Variants in NLRC5 observed in about 807,000 individuals in gnomAD.
NLRC5 encodes the protein protein NLRC5.
A neutral mutation model predicts 206.9 loss-of-function variants in NLRC5; 114 were observed. The observed-to-expected ratio is 0.55, with a 90% confidence interval of 0.47 to 0.64. The LOEUF is 0.64. NLRC5 is among the 30% of genes least tolerant of loss of function. The pLI is 0.00. For missense variants in NLRC5, 2,008 were observed against 2,305.5 expected (o/e 0.87, Z 2.64); for synonymous variants, 952 against 962.8 (o/e 0.99, Z 0.21).
rs146945239 is a variant in NLRC5, at chr16:57,037,246, C to G, written c.2763C>G (p.Ala921=). 1 of 1,613,752 alleles carries G rather than the reference C, an allele frequency of 6.2e-7. No homozygotes were observed. Among genetic ancestry groups the G allele is most frequent in the Non-Finnish European group, 8.5e-7 (1 of 1,179,994 alleles). ...SVAGVHCVLR[A]VSACWTLAEL... is the part of the protein sequence containing the mutation. The stretch of plus-strand genomic sequence containing the variant: ...CCGGGGTGCATTGTGTGCTGAGGGC[C>G]GTGAGTGCGTGCTGGACCCTGGCAG... Residue 921 remains alanine, a synonymous_variant, in exon 15 of 49, where the codon GCC becomes GCG. Transcript: ENST00000688547.
At chr16:57,067,682 C>T (rs2144821574) in intron 35 of NLRC5, 54 bp from the exon 36 acceptor site, 1 of 1,549,468 alleles carries the variant, frequency 6.5e-7, no homozygotes, top group East Asian at 2.2e-5. Flanking sequence ...GATGTGATGA[C>T]CTCTGAGGTG....
chr16:57,072,709 A>AAAAATACACAGCGGCTAT (rs142245442), intron 38 of NLRC5, among the ~76,000 whole-genome samples: 1 of 151,652 alleles, frequency 6.6e-6, no homozygotes, highest in African/African-American at 2.4e-5. Context: ...TCTGATGACC[A>AAAAATACACAGCGGCTAT]AAAAAGTTCC....
At chr16:57,037,414 G>T (rs1415319337) in intron 15 of NLRC5, 130 bp downstream of exon 15, 3 of 792,004 alleles carry the variant, frequency 3.8e-6, no homozygotes, top group East Asian at 2.7e-5. Flanking sequence ...CCCAGACCCC[G>T]TTACAGCCGG....
At chr16:57,020,363 C>T (rs1220741556) in intron 2 of NLRC5, among the ~76,000 whole-genome samples, 3 of 146,808 alleles carry the variant, frequency 2.0e-5, no homozygotes, top group Non-Finnish European at 3.0e-5. Context: ...TTCCCCTGTC[C>T]CCCAGCTCAC....
At chr16:57,038,874 G>A (rs1352090678) in intron 15 of NLRC5, among the ~76,000 whole-genome samples, 2 of 150,686 alleles carry the variant, frequency 1.3e-5, no homozygotes, top group African/African-American at 4.9e-5. Flanking sequence ...GGCGGAGGTT[G>A]CAGTGAGCCG....
chr16:56,998,090 G>C (rs918511111), intron 1 of NLRC5, among the ~76,000 whole-genome samples: 1 of 151,936 alleles, frequency 6.6e-6, no homozygotes, highest in African/African-American at 2.4e-5. Context: ...CCAGTTTTAT[G>C]GGTTTGGCAA....
At chr16:57,003,042 T>C (rs2058471276) in intron 1 of NLRC5, among the ~76,000 whole-genome samples, 1 of 135,844 alleles carries the variant, frequency 7.4e-6, no homozygotes, top group African/African-American at 2.6e-5. Flanking sequence ...TCCACATAGA[T>C]TGAGGTGTTT....
At chr16:57,079,200 G>C in intron 44 of NLRC5, 21 bp from the exon 45 acceptor site, 3 of 1,614,042 alleles carry the variant, frequency 1.9e-6, no homozygotes, top group Non-Finnish European at 2.5e-6. Context: ...TCCTCTCACA[G>C]GTATCTCCCC....
chr16:57,021,897 G>A (rs1408966190), intron 3 of NLRC5, among the ~76,000 whole-genome samples: 1 of 152,184 alleles, frequency 6.6e-6, no homozygotes, highest in East Asian at 1.9e-4. Context: ...GGGGGGCGGG[G>A]CGGCGCATGC....
At chr16:57,001,206 C>A (rs1260421477) in intron 1 of NLRC5, among the ~76,000 whole-genome samples, 2 of 152,214 alleles carry the variant, frequency 1.3e-5, no homozygotes, top group Admixed American at 6.5e-5. Flanking sequence ...CAGGCCCTGA[C>A]CTGTCCACCT....
At chr16:57,059,326 T>C in intron 29 of NLRC5, 141 bp from the exon 30 acceptor site, 26 of 1,471,164 alleles carry the variant, frequency 1.8e-5, no homozygotes, top group Middle Eastern at 2.5e-4. Context: ...TTTGGGGGTC[T>C]CCTCTGGTTC....
intron 1 of NLRC5, among the ~76,000 whole-genome samples, chr16:57,007,527 A>G (rs1451689928): frequency 8.5e-5 from 13 of 152,088 alleles, no homozygotes; most frequent in Admixed American, 8.5e-4. Context: ...GTTCGAGACC[A>G]GCCTGGTCAA....
chr16:57,035,162 C>T (rs536893148), intron 13 of NLRC5, among the ~76,000 whole-genome samples: 3 of 152,208 alleles, frequency 2.0e-5, no homozygotes, highest in Non-Finnish European at 1.5e-5. Context: ...CTCCTAGCCC[C>T]CTTGCCCTTC....
chr16:57,052,516 G>A (rs1218791300), intron 24 of NLRC5: 1 of 151,998 alleles, frequency 6.6e-6, no homozygotes, highest in Admixed American at 6.6e-5. Context: ...AATTTTAGAA[G>A]GATTTACTTT....
At position 57,028,325 on chromosome 16, in the gene NLRC5, C is replaced by A. The variant is rs770097845; in HGVS notation, c.2183C>A (p.Ala728Asp). 5.0e-6 allele frequency: 8 copies of A among 1,614,094 alleles called. No homozygotes were observed. Among genetic ancestry groups the A allele is most frequent in the Non-Finnish European group, 5.9e-6 (7 of 1,179,956 alleles). The stretch of plus-strand genomic sequence containing the variant: ...AGGTTAGCAGGAAGTAAAATCACTG[C>A]CCGAGGCATCAGCCACCTGGTGAAA... Reference protein sequence around the residue: ...MLGLAGSKITARGISHLVKAL... With the variant: ...MLGLAGSKITDRGISHLVKAL... The change falls in exon 8 of 49, where the codon GCC (alanine) becomes GAC (aspartate). Residue 728 changes from alanine to aspartate, a missense_variant. Ala to Asp is a moderately radical substitution (Grantham distance 126). Coordinates refer to ENST00000688547, the MANE Select transcript of NLRC5 (RefSeq NM_001384950.1).
rs1268721022 is a variant in NLRC5, at chr16:57,026,013, C to T, written c.1070C>T (p.Ala357Val). Residue 357 changes from alanine to valine, a missense_variant, in exon 6 of 49, where the codon GCA becomes GTA. Transcript: ENST00000688547. ...GGGAAGCTGCCTGCCTGCCTGCCTG[C>T]AGAGGCAGCCATGGTCCACATGTTG... The part of the protein sequence containing the change: ...RPGKLPACLP[A>V]EAAMVHMLGF... 5.6e-6 allele frequency: 9 copies of T among 1,614,050 alleles called. No individual in the cohort carries two copies. The highest frequency in any genetic ancestry group is 7.6e-6 in the Non-Finnish European group (9 of 1,180,046).
Position 57,025,013 on chromosome 16 carries a change from A to C in NLRC5, c.425-355A>C, listed in dbSNP as rs141640929. Among the ~76,000 whole-genome samples, 65 of 152,282 alleles carry C rather than the reference A, an allele frequency of 4.3e-4. No homozygotes were observed. In the East Asian group the frequency reaches 6.7e-3, roughly 16 times the overall value. Reference sequence around the variant, plus strand: ...CAAGACTGAGACTCTGTCTCTGGGAAAAAAGAAAAAAAAGAGATGTTGCAA... The same window carrying C: ...CAAGACTGAGACTCTGTCTCTGGGACAAAAGAAAAAAAAGAGATGTTGCAA... On this transcript the variant is annotated intron_variant, in intron 5 of 48. Coordinates refer to ENST00000688547, the MANE Select transcript of NLRC5 (RefSeq NM_001384950.1).
intron 29 of NLRC5, 100 bp from the exon 30 acceptor site, chr16:57,059,367 G>T (rs1309634670): frequency 1.4e-5 from 21 of 1,522,356 alleles, no homozygotes; most frequent in Non-Finnish European, 1.6e-5. Flanking sequence ...GTCCTTGTGG[G>T]TGCAGCCCCG....
At chr16:57,058,038 C>G (rs7201038) in intron 27 of NLRC5, 27 bp from the exon 28 acceptor site, 2 of 1,589,436 alleles carry the variant, frequency 1.3e-6, no homozygotes, top group Non-Finnish European at 1.7e-6. Context: ...ACCTCTGATC[C>G]CCGCCACTGC....
Sources: gnomAD v4.1 joint callset for allele counts (sites outside exome capture counted in the v4.1 genomes callset) on GRCh38, gnomAD v4.1.1 for gene constraint, MANE v1.5 for transcripts, NCBI Gene and HGNC (gene_info 2026-07-23, HGNC 2026-07-21) for gene names.